BCL2: variants seen among roughly 807,000 people sequenced by gnomAD.
BCL2 encodes the protein BCL2 apoptosis regulator, also known as apoptosis regulator Bcl-2.
Under a neutral mutation model 14.2 loss-of-function variants are expected in BCL2, and 1 was observed. The observed-to-expected ratio is 0.07, with a 90% confidence interval of 0.02 to 0.33. The LOEUF (loss-of-function observed/expected upper bound fraction) is 0.33, where lower values mean the gene tolerates loss of function less well. Ranked by LOEUF, BCL2 falls within the 10% of genes least tolerant of loss-of-function variation. The pLI is 0.99. For missense variants in BCL2, 247 were observed against 305.9 expected (o/e 0.81, Z 1.44); for synonymous variants, 151 against 137.2 (o/e 1.10, Z -0.70).
intron 2 of BCL2, among the ~76,000 whole-genome samples, chr18:63,176,408 G>C (rs1044153153): frequency 6.6e-6 from 1 of 152,200 alleles, no homozygotes; most frequent in Non-Finnish European, 1.5e-5. Flanking sequence ...TCCCAATAGG[G>C]TGTTTGCCTG....
At chr18:63,300,787 C>T (rs980042354) in intron 2 of BCL2, among the ~76,000 whole-genome samples, 2 of 152,208 alleles carry the variant, frequency 1.3e-5, no homozygotes, top group Admixed American at 1.3e-4. Context: ...GACTGCCTGC[C>T]CCACGCAGAA....
At chr18:63,222,739 T>C (rs1910434404) in intron 2 of BCL2, among the ~76,000 whole-genome samples, 1 of 152,150 alleles carries the variant, frequency 6.6e-6, no homozygotes, top group African/African-American at 2.4e-5. Flanking sequence ...TAATATGGCT[T>C]TCACCTGAAA....
intron 2 of BCL2, among the ~76,000 whole-genome samples, chr18:63,218,751 CACTCATCCCCCTCT>C (rs1568237516): frequency 0.024 from 805 of 33,614 alleles, 2 homozygotes; most frequent in Non-Finnish European, 0.026. Context: ...CTCCATCCTC[CACTCATCCCCCTCT>C]ACTCATCCCC....
intron 2 of BCL2, among the ~76,000 whole-genome samples, chr18:63,273,101 A>G (rs1372488458): frequency 6.6e-6 from 1 of 152,206 alleles, no homozygotes; most frequent in Non-Finnish European, 1.5e-5. Flanking sequence ...AATCAAGTCC[A>G]TTTTCTATGA....
At chr18:63,150,056 G>C (rs542177718) in intron 2 of BCL2, among the ~76,000 whole-genome samples, 24 of 151,936 alleles carry the variant, frequency 1.6e-4, no homozygotes, top group Non-Finnish European at 2.6e-4. Context: ...AATTTTTGTA[G>C]TTTTTTTGTA....
chr18:63,198,177 T>G (rs1397616784), intron 2 of BCL2, among the ~76,000 whole-genome samples: 2 of 140,048 alleles, frequency 1.4e-5, no homozygotes, highest in South Asian at 4.7e-4. Context: ...CACACAGACA[T>G]ACACACACAC....
chr18:63,143,494 G>A (rs1914423168), intron 2 of BCL2, among the ~76,000 whole-genome samples: 4 of 152,218 alleles, frequency 2.6e-5, no homozygotes, highest in South Asian at 2.1e-4. Flanking sequence ...GAGAAAAGTC[G>A]TGCCCCTGGG....
At chr18:63,294,354 C>G (rs1249073622) in intron 2 of BCL2, among the ~76,000 whole-genome samples, 1 of 152,092 alleles carries the variant, frequency 6.6e-6, no homozygotes, top group African/African-American at 2.4e-5. Flanking sequence ...TTACGAAACC[C>G]AATTAAAATA....
Position 63,177,419 on chromosome 18 carries a change from G to A in BCL2, c.586-48660C>T, listed in dbSNP as rs550554935. ...ACCTAAGAAACCAGGCCTGACCCAG[G>A]GCCTCTGATGCTGGGGCAGGTTCCC... On this transcript the variant is annotated intron_variant, in intron 2 of 2. Coordinates refer to ENST00000333681, the MANE Select transcript of BCL2 (RefSeq NM_000633.3). 2.0e-5 allele frequency among the ~76,000 whole-genome samples: 3 copies of A among 152,214 alleles called. No homozygotes were observed. In the East Asian group the frequency reaches 5.8e-4, roughly 29 times the overall value.
chr18:63,253,533 T>C (rs762220607), intron 2 of BCL2, among the ~76,000 whole-genome samples: 5 of 152,198 alleles, frequency 3.3e-5, no homozygotes, highest in Non-Finnish European at 7.4e-5. Flanking sequence ...TGAGTCCTAT[T>C]TCAAAACATC....
At chr18:63,161,899 G>A (rs1163648273) in intron 2 of BCL2, 4 of 152,162 alleles carry the variant, frequency 2.6e-5, no homozygotes, top group South Asian at 2.1e-4. Context: ...CTTTCTCTAT[G>A]AGTAATTTAA....
At chr18:63,164,307 C>A (rs1914989081) in intron 2 of BCL2, among the ~76,000 whole-genome samples, 1 of 152,190 alleles carries the variant, frequency 6.6e-6, no homozygotes, top group Admixed American at 6.5e-5. Flanking sequence ...ACTTTCTCAA[C>A]ATAAACTCAA....
chr18:63,268,962 T>A (rs888470715), intron 2 of BCL2, among the ~76,000 whole-genome samples: 1 of 152,070 alleles, frequency 6.6e-6, no homozygotes, highest in Non-Finnish European at 1.5e-5. Flanking sequence ...TCCATTTTTT[T>A]TTTAAATACA....
chr18:63,256,354 C>T (rs1278069181), intron 2 of BCL2, among the ~76,000 whole-genome samples: 2 of 152,158 alleles, frequency 1.3e-5, no homozygotes, highest in Non-Finnish European at 2.9e-5. Context: ...GTAACTGGGA[C>T]TACAGGTGTG....
At chr18:63,209,435 A>C (rs1287250122) in intron 2 of BCL2, among the ~76,000 whole-genome samples, 1 of 152,210 alleles carries the variant, frequency 6.6e-6, no homozygotes, top group African/African-American at 2.4e-5. Context: ...GAGATGATGG[A>C]ACTGAAGATG....
chr18:63,241,092 G>A (rs958126530), intron 2 of BCL2, among the ~76,000 whole-genome samples: 1 of 152,208 alleles, frequency 6.6e-6, no homozygotes, highest in Non-Finnish European at 1.5e-5. Context: ...CATAGCAAAT[G>A]GGCATAGCTA....
At chr18:63,300,313 C>T (rs989263890) in intron 2 of BCL2, among the ~76,000 whole-genome samples, 9 of 151,960 alleles carry the variant, frequency 5.9e-5, no homozygotes, top group Admixed American at 3.3e-4. Context: ...AGTCAGCAAA[C>T]GCCCCTGAAG....
At chr18:63,142,524 C>T (rs1914392368) in intron 2 of BCL2, among the ~76,000 whole-genome samples, 1 of 152,212 alleles carries the variant, frequency 6.6e-6, no homozygotes, top group Admixed American at 6.5e-5. Flanking sequence ...TCACAGCCTG[C>T]TTACATCCCA....
intron 2 of BCL2, among the ~76,000 whole-genome samples, chr18:63,285,142 G>A (rs1912434193): frequency 6.6e-6 from 1 of 152,212 alleles, no homozygotes; most frequent in African/African-American, 2.4e-5. Flanking sequence ...CTCACACGCA[G>A]CAGCTGGAGA....
Sources: allele counts gnomAD v4.1 joint callset (sites outside exome capture counted in the v4.1 genomes callset), GRCh38; gene constraint gnomAD v4.1.1; transcripts MANE v1.5; gene names NCBI Gene and HGNC (gene_info 2026-07-23, HGNC 2026-07-21).